MAST4: variants seen among roughly 807,000 people sequenced by gnomAD.
The protein encoded by MAST4 is microtubule-associated serine/threonine-protein kinase 4.
A neutral mutation model predicts 162.7 loss-of-function variants in MAST4; 89 were observed. The observed-to-expected ratio is 0.55, with a 90% CI of 0.46 to 0.65. MAST4 has a LOEUF of 0.65. Ranked by LOEUF, MAST4 falls within the 30% of genes least tolerant of loss-of-function variation. The pLI, the probability that MAST4 is intolerant of heterozygous loss-of-function variation, is 0.00. For synonymous variants in MAST4, 1,479 were observed against 1,361.1 expected, an observed-to-expected ratio of 1.09 and a Z score of -1.91; for missense variants, 3,153 against 3,374.0, an observed-to-expected ratio of 0.93 and a Z score of 1.62.
intron 3 of MAST4, among the ~76,000 whole-genome samples, chr5:66,832,735 T>C (rs1440212550): frequency 6.6e-6 from 1 of 152,224 alleles, no homozygotes; most frequent in African/African-American, 2.4e-5. Context: ...ACTCTGTCTA[T>C]ATTCATTTGA....
chr5:66,877,097 T>C (rs1690183851), intron 3 of MAST4, among the ~76,000 whole-genome samples: 2 of 152,102 alleles, frequency 1.3e-5, no homozygotes, highest in South Asian at 4.1e-4. Context: ...GACTGGAAAG[T>C]AGCCATGCAG....
intron 1 of MAST4, among the ~76,000 whole-genome samples, chr5:66,730,777 G>GTT (rs1281106765): frequency 2.0e-5 from 3 of 149,894 alleles, no homozygotes; most frequent in African/African-American, 7.3e-5. Flanking sequence ...GTGTGTGTGT[G>GTT]TTTCTGAATT....
At chr5:66,893,117 T>C (rs1302522516) in intron 3 of MAST4, among the ~76,000 whole-genome samples, 1 of 152,258 alleles carries the variant, frequency 6.6e-6, no homozygotes, top group East Asian at 1.9e-4. Context: ...TGTTGTGGTT[T>C]TGATCAAATA....
intron 12 of MAST4, among the ~76,000 whole-genome samples, chr5:67,118,471 A>G (rs1375912886): frequency 1.3e-5 from 2 of 152,232 alleles, no homozygotes; most frequent in African/African-American, 4.8e-5. Context: ...GGTGTTTGCA[A>G]GAAATGGAGT....
Position 66,788,684 on chromosome 5 carries a change from C to T in MAST4, c.532C>T (p.Pro178Ser), listed in dbSNP as rs1248805302. The T allele has an allele frequency of 6.7e-7, 1 of 1,484,462 alleles. No individual in the cohort carries two copies. The highest frequency in any genetic ancestry group is 2.9e-5 in the East Asian group (1 of 34,150). 92.0% of individuals were successfully genotyped at this position (1,484,462 alleles called of 1,614,324 possible). A position where few individuals can be genotyped will look rare whatever the true frequency, so the allele number is the denominator to read the frequency against. Residue 178 changes from proline (P) to serine (S), a missense_variant, in exon 3 of 29, where the codon CCA becomes TCA. Physicochemically the swap from Pro to Ser is moderately conservative, Grantham distance 74. Coordinates refer to ENST00000403625, the MANE Select transcript of MAST4 (RefSeq NM_001164664.2). Reference sequence around the variant, plus strand: ...AACTCCAACAGGGAGGTACCTTCTTCCAAACCCGGTGGCGGGACAGGCCTG... The same window carrying T: ...AACTCCAACAGGGAGGTACCTTCTTTCAAACCCGGTGGCGGGACAGGCCTG... ...GGALTGRYLL[P>S]NPVAGQAWPA... is the part of the protein sequence containing the mutation.
intron 4 of MAST4, among the ~76,000 whole-genome samples, chr5:66,905,088 C>T (rs1374051631): frequency 2.6e-5 from 4 of 152,046 alleles, no homozygotes; most frequent in African/African-American, 9.7e-5. Context: ...GGTGGATCAT[C>T]TGAGGTCAGG....
intron 4 of MAST4, among the ~76,000 whole-genome samples, chr5:66,962,395 A>G (rs1463580279): frequency 1.3e-5 from 2 of 152,360 alleles, no homozygotes; most frequent in Non-Finnish European, 2.9e-5. Context: ...CCTGGGAGGC[A>G]TATGGAGACA....
At chr5:66,791,158 G>A (rs761189813) in intron 3 of MAST4, among the ~76,000 whole-genome samples, 1 of 152,146 alleles carries the variant, frequency 6.6e-6, no homozygotes, top group Admixed American at 6.5e-5. Flanking sequence ...CGAGTAGCTG[G>A]GATTACAGGA....
chr5:67,090,937 A>G (rs2545388), intron 6 of MAST4, among the ~76,000 whole-genome samples: 58,232 of 151,694 alleles, frequency 0.38, 13,575 homozygotes, highest in African/African-American at 0.67. Context: ...TCCCTCTCAC[A>G]TGCATAGCTT....
At chr5:66,631,672 C>T (rs943099702) in intron 1 of MAST4, among the ~76,000 whole-genome samples, 1 of 152,118 alleles carries the variant, frequency 6.6e-6, no homozygotes, top group Non-Finnish European at 1.5e-5. Context: ...GCTTTCGAGC[C>T]AGGCTAACAG....
rs111633104 is a variant in MAST4, at chr5:67,071,523, G to A, written c.763+17031G>A. 2.2e-4 allele frequency among the ~76,000 whole-genome samples: 33 copies of A among 152,246 alleles called. 1 individual carries two copies. Among genetic ancestry groups the A allele is most frequent in the African/African-American group, 6.0e-4 (25 of 41,532 alleles). ...ATCCCAGCACTTTGGAAGGCCAAGG[G>A]GGGGGCGGGGTGTATCACCTGAGGT... On this transcript the variant is annotated intron_variant, in intron 5 of 28. Transcript: ENST00000403625.
At chr5:67,011,815 C>T (rs185825928) in intron 4 of MAST4, among the ~76,000 whole-genome samples, 1 of 152,138 alleles carries the variant, frequency 6.6e-6, no homozygotes, top group Admixed American at 6.5e-5. Context: ...CTGTTTTGCC[C>T]CTGGAATATG....
At chr5:67,074,847 G>C (rs1761421898) in intron 5 of MAST4, among the ~76,000 whole-genome samples, 1 of 152,122 alleles carries the variant, frequency 6.6e-6, no homozygotes, top group African/African-American at 2.4e-5. Context: ...TCATCTGTTA[G>C]AGTCAGATTT....
At chr5:67,066,618 C>T (rs994438624) in intron 5 of MAST4, among the ~76,000 whole-genome samples, 3 of 152,084 alleles carry the variant, frequency 2.0e-5, no homozygotes, top group African/African-American at 7.2e-5. Flanking sequence ...ACTGCCTCCC[C>T]CTAATGGACA....
At chr5:66,785,348 T>G (rs1755064960) in intron 2 of MAST4, among the ~76,000 whole-genome samples, 1 of 152,232 alleles carries the variant, frequency 6.6e-6, no homozygotes. Context: ...TTATAAATAA[T>G]ATATGTTATT....
In MAST4 at chr5:66,624,404, C is replaced by T. The variant is rs546096523; in HGVS notation, c.363+27386C>T. On this transcript the variant is annotated intron_variant, in intron 1 of 28. Coordinates refer to ENST00000403625, the MANE Select transcript of MAST4 (RefSeq NM_001164664.2). ...TCCTGACCTCGTGATCTGCCCGCCT[C>T]GGCCTCCCAAAGTGCTGGGATTATA... 1.7e-3 allele frequency among the ~76,000 whole-genome samples: 263 copies of T among 152,128 alleles called. 7 individuals are homozygous for T. The South Asian group carries it at 0.049, about 29-fold the overall frequency.
intron 3 of MAST4, among the ~76,000 whole-genome samples, chr5:66,878,544 C>T (rs78789113): frequency 0.014 from 2,071 of 152,362 alleles, 22 homozygotes; most frequent in South Asian, 0.023. Context: ...CCATCATAGC[C>T]TAGTCCTTGC....
intron 1 of MAST4, among the ~76,000 whole-genome samples, chr5:66,697,060 C>A (rs1749453094): frequency 6.6e-6 from 1 of 152,194 alleles, no homozygotes; most frequent in African/African-American, 2.4e-5. Flanking sequence ...GATCGGTGGA[C>A]AGACTATGGT....
At chr5:67,033,641 G>A (rs1017160284) in intron 4 of MAST4, among the ~76,000 whole-genome samples, 11 of 152,112 alleles carry the variant, frequency 7.2e-5, no homozygotes, top group Non-Finnish European at 2.9e-5. Flanking sequence ...TTACATTACA[G>A]TGATCTAGAT....
Sources: allele counts gnomAD v4.1 joint callset (sites outside exome capture counted in the v4.1 genomes callset), GRCh38; gene constraint gnomAD v4.1.1; transcripts MANE v1.5; gene names NCBI Gene and HGNC (gene_info 2026-07-23, HGNC 2026-07-21).